The following DACH1 variants were observed in gnomAD, a reference collection of about 807,000 sequenced individuals.
DACH1 encodes the protein dachshund homolog 1.
A neutral mutation model predicts 54.2 loss-of-function variants in DACH1; 12 were observed. The observed-to-expected ratio is 0.22, with a 90% CI of 0.14 to 0.36. The LOEUF (loss-of-function observed/expected upper bound fraction) is 0.36. DACH1 is among the 10% of genes least tolerant of loss of function. The probability of loss-of-function intolerance (pLI) is 1.00; values close to 1 mark genes in which losing one functional copy is unlikely to be tolerated. For synonymous variants in DACH1, 386 were observed against 366.2 expected, an observed-to-expected ratio of 1.05 and a Z score of -0.62; for missense variants, 805 against 929.8, an observed-to-expected ratio of 0.87 and a Z score of 1.75.
intron 3 of DACH1, among the ~76,000 whole-genome samples, chr13:71,627,572 T>C (rs1325871472): frequency 6.6e-6 from 1 of 152,060 alleles, no homozygotes; most frequent in Non-Finnish European, 1.5e-5. Context: ...TTGGAGATTC[T>C]TGGGATTCCT....
intron 2 of DACH1, chr13:71,675,218 T>G: frequency 6.4e-7 from 1 of 1,573,628 alleles, no homozygotes; most frequent in Middle Eastern, 1.8e-4. Context: ...CTCCGTGAAG[T>G]TAGACGTTAT....
chr13:71,515,389 G>A (rs1566309670), intron 6 of DACH1, among the ~76,000 whole-genome samples: 1 of 151,712 alleles, frequency 6.6e-6, no homozygotes, highest in Non-Finnish European at 1.5e-5. Flanking sequence ...ATATTTTCAC[G>A]GAGTCAGCAT....
intron 2 of DACH1, among the ~76,000 whole-genome samples, chr13:71,637,075 ACT>A (rs1377467272): frequency 6.6e-6 from 1 of 152,042 alleles, no homozygotes; most frequent in Non-Finnish European, 1.5e-5. Context: ...GTCTAGACTC[ACT>A]CTCTTATAAG....
At chr13:71,541,750 AG>A in intron 6 of DACH1, among the ~76,000 whole-genome samples, 1 of 152,184 alleles carries the variant, frequency 6.6e-6, no homozygotes, top group East Asian at 1.9e-4. Flanking sequence ...TTAAAGAAAA[AG>A]AATACCCTGT....
intron 1 of DACH1, among the ~76,000 whole-genome samples, chr13:71,724,611 A>G (rs1385051622): frequency 1.3e-5 from 2 of 152,120 alleles, no homozygotes; most frequent in Non-Finnish European, 2.9e-5. Flanking sequence ...AGCAAAGTAG[A>G]TGGGTTATTT....
At chr13:71,494,720 TTAA>T in intron 6 of DACH1, among the ~76,000 whole-genome samples, 1 of 152,032 alleles carries the variant, frequency 6.6e-6, no homozygotes, top group East Asian at 1.9e-4. Flanking sequence ...TATTAACATC[TTAA>T]TAATTATATA....
intron 6 of DACH1, among the ~76,000 whole-genome samples, chr13:71,534,007 T>A (rs1429466691): frequency 6.6e-6 from 1 of 152,046 alleles, no homozygotes; most frequent in South Asian, 2.1e-4. Flanking sequence ...ACCAATAACC[T>A]AGGCCTGCAG....
intron 10 of DACH1, among the ~76,000 whole-genome samples, chr13:71,446,125 G>A (rs1874441300): frequency 6.6e-6 from 1 of 152,094 alleles, no homozygotes; most frequent in Non-Finnish European, 1.5e-5. Context: ...TTATTCGGAG[G>A]TGTGCTGTTT....
intron 6 of DACH1, among the ~76,000 whole-genome samples, chr13:71,501,753 T>C (rs1238561811): frequency 6.6e-6 from 1 of 152,208 alleles, no homozygotes; most frequent in African/African-American, 2.4e-5. Flanking sequence ...GAGGCATTGC[T>C]ATGATGATGT....
At chr13:71,604,457 A>C (rs1441094802) in intron 3 of DACH1, among the ~76,000 whole-genome samples, 1 of 151,872 alleles carries the variant, frequency 6.6e-6, no homozygotes, top group Non-Finnish European at 1.5e-5. Flanking sequence ...ACTGATTATA[A>C]CTCATCCAAT....
At chr13:71,726,745 G>A (rs1245073597) in intron 1 of DACH1, among the ~76,000 whole-genome samples, 4 of 151,868 alleles carry the variant, frequency 2.6e-5, no homozygotes, top group Non-Finnish European at 5.9e-5. Context: ...ACAATGGTTA[G>A]GAAGACTTTA....
At chr13:71,568,361 T>G (rs981667187) in intron 4 of DACH1, among the ~76,000 whole-genome samples, 2 of 152,048 alleles carry the variant, frequency 1.3e-5, no homozygotes, top group South Asian at 4.1e-4. Flanking sequence ...GAGGTTGATG[T>G]CTAGTGTCTC....
At chr13:71,824,186 T>C (rs1566525050) in intron 1 of DACH1, among the ~76,000 whole-genome samples, 1 of 151,904 alleles carries the variant, frequency 6.6e-6, no homozygotes, top group Non-Finnish European at 1.5e-5. Context: ...ACTCTACACA[T>C]TAATCACTAA....
At chr13:71,811,249 T>A (rs1307235001) in intron 1 of DACH1, among the ~76,000 whole-genome samples, 1 of 152,180 alleles carries the variant, frequency 6.6e-6, no homozygotes, top group Non-Finnish European at 1.5e-5. Flanking sequence ...TTAAGACTAG[T>A]GTTACTGCTC....
At chr13:71,552,052 T>C (rs1194526655) in intron 6 of DACH1, among the ~76,000 whole-genome samples, 1 of 152,094 alleles carries the variant, frequency 6.6e-6, no homozygotes, top group Non-Finnish European at 1.5e-5. Context: ...GTTGGTCTCC[T>C]GAAGTTGTCA....
chr13:71,865,629 C>T (rs1011973369), intron 1 of DACH1, among the ~76,000 whole-genome samples: 1 of 152,156 alleles, frequency 6.6e-6, no homozygotes, highest in Admixed American at 6.5e-5. Context: ...TCCCTCTCGT[C>T]CCCTCCGCCC....
At chr13:71,621,531 CAT>C (rs1241048072) in intron 3 of DACH1, among the ~76,000 whole-genome samples, 2 of 152,018 alleles carry the variant, frequency 1.3e-5, no homozygotes, top group African/African-American at 4.8e-5. Context: ...TAAATAATAA[CAT>C]ATCATTTCCA....
Position 71,685,156 on chromosome 13 carries a change from A to G in DACH1, c.849-3246T>C, listed in dbSNP as rs974051114. ...TCACTCTGGAAGTAGAAGTGAGGCT[A>G]CTAAGTAGGAACACTTTAATTCACG... On this transcript the variant is annotated intron_variant, in intron 1 of 10. Coordinates refer to ENST00000613252, the MANE Select transcript of DACH1 (RefSeq NM_080759.6). Among the ~76,000 whole-genome samples the G allele has an allele frequency of 4.6e-5, 7 of 152,306 alleles. No individual in the cohort carries two copies. The South Asian group carries it at 1.5e-3, about 32-fold the overall frequency.
chr13:71,824,143 G>T (rs149506176), intron 1 of DACH1, among the ~76,000 whole-genome samples: 3 of 151,834 alleles, frequency 2.0e-5, no homozygotes, highest in African/African-American at 7.2e-5. Flanking sequence ...CAACAGAGTT[G>T]TCACTTGCTG....
Sources: allele counts gnomAD v4.1 joint callset (sites outside exome capture counted in the v4.1 genomes callset), GRCh38; gene constraint gnomAD v4.1.1; transcripts MANE v1.5; gene names NCBI Gene and HGNC (gene_info 2026-07-23, HGNC 2026-07-21).